The following PRRC2A variants were observed in gnomAD, a reference collection of about 807,000 sequenced individuals.
The protein encoded by PRRC2A is proline rich coiled-coil 2A, also known as protein PRRC2A.
PRRC2A carries 59 observed loss-of-function variants against 224.6 expected under a neutral mutation model. The ratio of observed to expected loss-of-function variants is 0.26; its 90% CI spans 0.21 to 0.33. The LOEUF (loss-of-function observed/expected upper bound fraction) is 0.33, where lower values mean the gene tolerates loss of function less well. Among genes scored for constraint, PRRC2A ranks in the 10% least tolerant of loss-of-function variants. PRRC2A has a pLI of 1.00. For missense variants in PRRC2A, 3,095 were observed against 2,880.7 expected (o/e 1.07, Z -1.70); for synonymous variants, 1,194 against 1,109.5 (o/e 1.08, Z -1.51).
rs1262076201 is a variant in PRRC2A at position 31,625,900 on chromosome 6, TG to T, written c.839+34del. The T allele has an allele frequency of 6.3e-7, 1 of 1,582,184 alleles. No homozygotes were observed. The highest frequency in any genetic ancestry group is 8.7e-7 in the Non-Finnish European group (1 of 1,153,528). ...AGCAATCCAGGTCTGGGTTTGTGGCTGGGGGCAGGGGAAGCTTATTGGGGGA... is the reference window on the plus strand; with the variant it reads ...AGCAATCCAGGTCTGGGTTTGTGGCTGGGGCAGGGGAAGCTTATTGGGGGA... On this transcript the variant is annotated intron_variant, in intron 8 of 30. Coordinates refer to ENST00000376033, the MANE Select transcript of PRRC2A (RefSeq NM_004638.4). The surrounding 1 kb of genome is among the most constrained non-coding windows in gnomAD (Gnocchi z 4.1).
Position 31,637,024 on chromosome 6 carries a change from T to C in PRRC2A, c.6148-18T>C, listed in dbSNP as rs1777435960. Reference sequence around the variant, plus strand: ...TCTGTATTTCAAGGTAGGCAGCTCATGATTTTTTTCCCCTCAGCTGCATCC... The same window carrying C: ...TCTGTATTTCAAGGTAGGCAGCTCACGATTTTTTTCCCCTCAGCTGCATCC... On this transcript the variant is annotated intron_variant, in intron 28 of 30. Transcript: ENST00000376033. 6.3e-7 allele frequency: 1 copy of C among 1,595,734 alleles called. No individual in the cohort carries two copies. The highest frequency in any genetic ancestry group is 8.5e-7 in the Non-Finnish European group (1 of 1,170,140).
At position 31,633,634 on chromosome 6, in the gene PRRC2A, C is replaced by T. The variant is rs759813146; in HGVS notation, c.4575C>T (p.Ser1525=). Residue 1525 remains serine, a synonymous_variant, in exon 17 of 31, where the codon AGC becomes AGT. Transcript: ENST00000376033. ...GATACGAGCCCCAGAGGGTCAACAG[C>T]GGCCTCAGTTCTGGTAAGCTGGAGG... ...PTRYEPQRVN[S]GLSSDPHFEE... is the part of the protein sequence containing the mutation. The T allele has an allele frequency of 2.0e-5, 32 of 1,610,468 alleles. No individual in the cohort carries two copies. The highest frequency in any genetic ancestry group is 4.0e-5 in the African/African-American group (3 of 74,892).
At chr6:31,622,367 C>T (rs1032524791) in intron 1 of PRRC2A, among the ~76,000 whole-genome samples, 1 of 152,106 alleles carries the variant, frequency 6.6e-6, no homozygotes, top group Non-Finnish European at 1.5e-5. Flanking sequence ...TTGAATTTGT[C>T]CTGTTGTAAG....
intron 2 of PRRC2A, chr6:31,623,162 T>C (rs748521187): frequency 5.4e-5 from 40 of 733,996 alleles, no homozygotes; most frequent in Non-Finnish European, 8.8e-5. Context: ...TGGGAAACTT[T>C]GAGGCCAGCT....
In PRRC2A at chr6:31,633,918, T is replaced by C; in HGVS notation, c.4648T>C (p.Ser1550Pro). ...AGGGGTGGGTGGGACTCCTCGGGAC[T>C]CTGCCGGGGTTAGTCCCTTTCCCCC... ...VRGVGGTPRD[S>P]AGVSPFPPKR... Residue 1550 changes from serine to proline, a missense_variant, in exon 18 of 31, where the codon TCT becomes CCT. Around this residue, in one of 8 missense-constraint regions of PRRC2A, gnomAD observed 2,001 missense variants for 1,764.9 expected, o/e 1.13. Transcript: ENST00000376033. 6.3e-7 allele frequency: 1 copy of C among 1,585,420 alleles called. No individual in the cohort carries two copies. The highest frequency in any genetic ancestry group is 8.5e-7 in the Non-Finnish European group (1 of 1,173,236).
Position 31,631,652 on chromosome 6 carries a change from C to A in PRRC2A, c.2979C>A (p.Gly993=), listed in dbSNP as rs763855333. The A allele has an allele frequency of 6.6e-7, 1 of 1,516,734 alleles. No individual in the cohort carries two copies. The highest frequency in any genetic ancestry group is 2.3e-5 in the East Asian group (1 of 43,662). The allele number at this position is 1,516,734 out of a possible 1,614,324, so 94.0% of individuals were successfully genotyped here. ...PLKITKGKLG[G]PKETPPNGNL... ...AGATAACCAAGGGGAAGCTAGGGGG[C>A]CCCAAGGAGACCCCACCCAATGGAA... Residue 993 remains glycine (G), a synonymous_variant, in exon 16 of 31, where the codon GGC becomes GGA. Coordinates refer to ENST00000376033, the MANE Select transcript of PRRC2A (RefSeq NM_004638.4). The surrounding 1 kb of genome is among the most constrained non-coding windows in gnomAD (Gnocchi z 4.5).
chr6:31,625,841 C>A lies in PRRC2A; in HGVS notation c.809C>A (p.Pro270His). ...CCTCCGCCCTATGGACCCCAGGGGCCTTACCGATACCCCACTCCTGATGGG... is the reference window on the plus strand; with the variant it reads ...CCTCCGCCCTATGGACCCCAGGGGCATTACCGATACCCCACTCCTGATGGG... The part of the protein sequence containing the change: ...PFPPPYGPQG[P>H]YRYPTPDGPS... Residue 270 changes from proline to histidine, a missense_variant, in exon 8 of 31, where the codon CCT becomes CAT. By Grantham distance (77) the Pro-to-His change is moderately conservative. This residue lies in a region of PRRC2A where 287 missense variants were observed against 275.3 expected (regional missense o/e 1.04). Transcript: ENST00000376033. This position sits in a 1 kb window ranked among gnomAD's most constrained non-coding sequence, Gnocchi z 4.1. The A allele has an allele frequency of 6.3e-7, 1 of 1,591,716 alleles. No individual in the cohort carries two copies. The highest frequency in any genetic ancestry group is 8.6e-7 in the Non-Finnish European group (1 of 1,160,728).
At chr6:31,633,735 GA>G in intron 17 of PRRC2A, 88 bp downstream of exon 17, 1 of 1,535,040 alleles carries the variant, frequency 6.5e-7, no homozygotes, top group Admixed American at 2.1e-5. Context: ...CTGGCCTAGG[GA>G]CCCTGCTGCT....
At position 31,629,606 on chromosome 6, in the gene PRRC2A, C is replaced by T; in HGVS notation, c.2015C>T (p.Ala672Val). ...TGGCAGCAGCATCAACAGGGCTCTG[C>T]CCCTCCTACCCCAGTGCCCCCATCA... is the stretch of plus-strand genomic sequence containing the variant. ...HQWQQHQQGSAPPTPVPPSPP... is the reference protein window; with the variant it reads ...HQWQQHQQGSVPPTPVPPSPP... The change falls in exon 14 of 31, where the codon GCC (alanine) becomes GTC (valine). Residue 672 changes from alanine (A) to valine (V), a missense_variant. Coordinates refer to ENST00000376033, the MANE Select transcript of PRRC2A (RefSeq NM_004638.4). 6.2e-7 allele frequency: 1 copy of T among 1,612,422 alleles called. No homozygotes were observed. The highest frequency in any genetic ancestry group is 8.5e-7 in the Non-Finnish European group (1 of 1,179,458).
chr6:31,637,771 ACTT>A (rs749577868), downstream of PRRC2A: 249 of 431,646 alleles, frequency 5.8e-4, 1 homozygote, highest in Middle Eastern at 4.7e-3. Context: ...AAAAAAAAAA[ACTT>A]CTACAATGAT....
chr6:31,623,823 G>A lies in PRRC2A; in HGVS notation c.204G>A (p.Glu68=), dbSNP rs1444851164. 1.5e-5 allele frequency: 25 copies of A among 1,614,208 alleles called. No individual in the cohort carries two copies. The highest frequency in any genetic ancestry group is 2.0e-5 in the Non-Finnish European group (24 of 1,180,040). Residue 68 remains glutamate, a synonymous_variant, in exon 3 of 31, where the codon GAG becomes GAA. Transcript: ENST00000376033. ...CCAACCTTCCAAGCCTGAAAGCCGAGAACAAAGGCAATGACCCCAATGTCT... is the reference window on the plus strand; with the variant it reads ...CCAACCTTCCAAGCCTGAAAGCCGAAAACAAAGGCAATGACCCCAATGTCT... ...PPANLPSLKA[E]NKGNDPNVSL...
chr6:31,626,203 G>GC, intron 9 of PRRC2A, 41 bp downstream of exon 9: 2 of 1,592,332 alleles, frequency 1.3e-6, no homozygotes, highest in Middle Eastern at 3.3e-4. Context: ...ATCTTGAAAG[G>GC]CAAAACCTAA....
At position 31,620,744 on chromosome 6, in the gene PRRC2A, G is replaced by A. The variant is rs1020181260; in HGVS notation, c.-215G>A. 6.6e-6 allele frequency: 1 copy of A among 152,112 alleles called. No homozygotes were observed. Among genetic ancestry groups the A allele is most frequent in the Non-Finnish European group, 1.5e-5 (1 of 68,016 alleles). The allele number at this position is 152,112 out of a possible 1,614,324, so 9.4% of individuals were successfully genotyped here. Reference sequence around the variant, plus strand: ...GGGGCTCAGCCGCGGAGTGAGCGAGGGAGACGGGAGGAGCCGAACCCGGCG... The same window carrying A: ...GGGGCTCAGCCGCGGAGTGAGCGAGAGAGACGGGAGGAGCCGAACCCGGCG... On this transcript the variant is annotated 5_prime_UTR_variant, in exon 1 of 31. Coordinates refer to ENST00000376033, the MANE Select transcript of PRRC2A (RefSeq NM_004638.4).
chr6:31,630,804 G>C lies in PRRC2A; in HGVS notation c.2465+3G>C. ...GATGAGGATGACAAGGGGATGAGGT[G>C]AGTCTTGGTCATGAGAAATGGGTGA... On this transcript the variant is annotated splice_donor_region_variant and intron_variant, in intron 15 of 30. Coordinates refer to ENST00000376033, the MANE Select transcript of PRRC2A (RefSeq NM_004638.4). 6.2e-7 allele frequency: 1 copy of C among 1,613,798 alleles called. No homozygotes were observed. Among genetic ancestry groups the C allele is most frequent in the Non-Finnish European group, 8.5e-7 (1 of 1,179,864 alleles).
At chr6:31,624,166 A>G in intron 3 of PRRC2A, 95 bp from the exon 4 acceptor site, 1 of 1,255,194 alleles carries the variant, frequency 8.0e-7, no homozygotes, top group Non-Finnish European at 1.1e-6. Flanking sequence ...TGTAAATGGT[A>G]GCAATGGGCA....
At chr6:31,633,208 C>T (rs1403438613) in intron 16 of PRRC2A, among the ~76,000 whole-genome samples, 171 bp from the exon 17 acceptor site, 3 of 152,174 alleles carry the variant, frequency 2.0e-5, no homozygotes, top group Non-Finnish European at 4.4e-5. Flanking sequence ...ATTGCTGGTT[C>T]TTTGCTTTCC....
At chr6:31,635,109 A>G in intron 21 of PRRC2A, 23 bp from the exon 22 acceptor site, 1 of 1,612,010 alleles carries the variant, frequency 6.2e-7, no homozygotes. Context: ...CCCCCAATGC[A>G]CTTTACTGTG....
At chr6:31,635,912 C>CT (rs1332803535) in intron 24 of PRRC2A, 55 bp from the exon 25 acceptor site, 9 of 1,508,186 alleles carry the variant, frequency 6.0e-6, no homozygotes, top group Non-Finnish European at 8.1e-6. Flanking sequence ...GGATGGTGAT[C>CT]TTTTTTCTTG....
At chr6:31,628,336 G>T in intron 12 of PRRC2A, 97 bp downstream of exon 12, 3 of 1,459,544 alleles carry the variant, frequency 2.1e-6, no homozygotes, top group Admixed American at 5.3e-5. Flanking sequence ...TGAAGTAGAA[G>T]GCAGTTGTTT....
Sources: allele counts gnomAD v4.1 joint callset (sites outside exome capture counted in the v4.1 genomes callset), GRCh38; gene constraint gnomAD v4.1.1; regional missense constraint gnomAD v4.1.1; non-coding constraint Gnocchi (gnomAD v3.1); transcripts MANE v1.5; gene names NCBI Gene and HGNC (gene_info 2026-07-23, HGNC 2026-07-21).